The following GANC variants were observed in gnomAD, a reference collection of about 807,000 sequenced individuals.
GANC encodes neutral alpha-glucosidase C.
GANC carries 117 observed loss-of-function variants against 124.2 expected under a neutral mutation model. The observed-to-expected ratio is 0.94, with a 90% CI of 0.81 to 1.10. The LOEUF (loss-of-function observed/expected upper bound fraction) is 1.10. Among genes scored for constraint, GANC ranks in the 50% least tolerant of loss-of-function variants. The pLI is 0.00. For synonymous variants in GANC, 377 were observed against 376.8 expected (o/e 1.00, Z -0.01); for missense variants, 1,140 against 1,095.0 (o/e 1.04, Z -0.58).
chr15:42,319,162 G>C (rs1054106344), intron 10 of GANC, among the ~76,000 whole-genome samples: 11 of 151,876 alleles, frequency 7.2e-5, no homozygotes, highest in African/African-American at 2.7e-4. Context: ...ATCCTCTGAT[G>C]GTTCCTTGGT....
At chr15:42,323,971 G>A (rs942678099) in intron 11 of GANC, among the ~76,000 whole-genome samples, 1 of 152,136 alleles carries the variant, frequency 6.6e-6, no homozygotes, top group African/African-American at 2.4e-5. Flanking sequence ...TGGAGGATCT[G>A]ACCAGAAAGG....
At chr15:42,350,326 A>AGCGAGTCGTCTTTTATTATTATTAT (rs1566963145) in intron 22 of GANC, among the ~76,000 whole-genome samples, 6 of 151,904 alleles carry the variant, frequency 3.9e-5, no homozygotes, top group African/African-American at 1.5e-4. Flanking sequence ...CACTCCGCCC[A>AGCGAGTCGTCTTTTATTATTATTAT]TCTCCCCGAC....
intron 3 of GANC, chr15:42,284,347 C>T: frequency 4.4e-6 from 1 of 227,796 alleles, no homozygotes; most frequent in Non-Finnish European, 8.6e-6. Context: ...CTATTTCTAC[C>T]ACCATGATGT....
At chr15:42,311,413 A>T (rs900778149) in intron 10 of GANC, among the ~76,000 whole-genome samples, 1 of 152,232 alleles carries the variant, frequency 6.6e-6, no homozygotes. Context: ...CCACAAAAAA[A>T]TTACTAGAGG....
rs766751505 is a variant in GANC, at chr15:42,348,111, G to GT, written c.2316dup (p.Gln773SerfsTer22). The GT allele has an allele frequency of 3.7e-6, 6 of 1,604,064 alleles. No individual in the cohort carries two copies. In the Admixed American group the frequency reaches 1.0e-4, roughly 27 times the overall value. On this transcript the variant is annotated frameshift_variant, in exon 21 of 24. Transcript: ENST00000318010. LOFTEE classifies it high-confidence loss of function. ...GTGCTGCTCTGTTACAGATTCCAGT[G>GT]TTTCAGCGAGGTGGAAGTGTGATAC... is the stretch of plus-strand genomic sequence containing the variant.
chr15:42,278,893 G>A (rs1046948316), intron 3 of GANC, among the ~76,000 whole-genome samples: 1 of 152,170 alleles, frequency 6.6e-6, no homozygotes, highest in East Asian at 1.9e-4. Flanking sequence ...TACTCAGGAG[G>A]CTGAGGTGGG....
In GANC at chr15:42,343,155, G is replaced by C. The variant is rs770814349; in HGVS notation, c.2229+1G>C. ...TGTGTTTCTTCCAGGATCAAATGAG[G>C]TAAGAGTAATAACAGCCACATATCT... On this transcript the variant is annotated splice_donor_variant, in intron 19 of 23. Coordinates refer to ENST00000318010, the MANE Select transcript of GANC (RefSeq NM_198141.3). LOFTEE classifies it high-confidence loss of function. 1 of 1,613,372 alleles carries C rather than the reference G, an allele frequency of 6.2e-7. No homozygotes were observed. Among genetic ancestry groups the C allele is most frequent in the Admixed American group, 1.7e-5 (1 of 60,020 alleles).
At chr15:42,301,550 G>C (rs1201717755) in intron 6 of GANC, among the ~76,000 whole-genome samples, 1 of 151,994 alleles carries the variant, frequency 6.6e-6, no homozygotes, top group Non-Finnish European at 1.5e-5. Flanking sequence ...GAGCCAAGTG[G>C]TCTAGCTCAG....
chr15:42,317,610 T>A (rs529317596), intron 10 of GANC, among the ~76,000 whole-genome samples: 5 of 152,220 alleles, frequency 3.3e-5, no homozygotes, highest in African/African-American at 4.8e-5. Flanking sequence ...ATAAAAACCC[T>A]CATTAAATTG....
intron 6 of GANC, among the ~76,000 whole-genome samples, chr15:42,303,152 A>G (rs1238018875): frequency 1.3e-5 from 2 of 152,230 alleles, no homozygotes; most frequent in Non-Finnish European, 2.9e-5. Context: ...CTAACACCGG[A>G]TCTCTCTGCA....
intron 10 of GANC, among the ~76,000 whole-genome samples, chr15:42,320,048 G>T (rs1223235757): frequency 6.6e-6 from 1 of 152,128 alleles, no homozygotes; most frequent in Non-Finnish European, 1.5e-5. Context: ...GCTGGGCATG[G>T]TGGCATGCAC....
chr15:42,301,955 A>C (rs1478438007), intron 6 of GANC, among the ~76,000 whole-genome samples: 1 of 152,224 alleles, frequency 6.6e-6, no homozygotes, highest in Non-Finnish European at 1.5e-5. Flanking sequence ...CGTGCCTGCC[A>C]GCTCTGAAGA....
intron 7 of GANC, among the ~76,000 whole-genome samples, chr15:42,307,036 C>A (rs1447072411): frequency 6.6e-6 from 1 of 152,124 alleles, no homozygotes; most frequent in Non-Finnish European, 1.5e-5. Flanking sequence ...GTATCACATG[C>A]CCATCTGTCA....
chr15:42,297,767 G>A (rs147234514), intron 6 of GANC, 111 bp downstream of exon 6: 4 of 660,482 alleles, frequency 6.1e-6, no homozygotes, highest in African/African-American at 1.9e-5. Flanking sequence ...TTAAATGATC[G>A]ACTGCATATA....
At position 42,274,458 on chromosome 15, in the gene GANC, G is replaced by A. The variant is rs372563286; in HGVS notation, c.-24G>A. On this transcript the variant is annotated 5_prime_UTR_variant, in exon 1 of 24. Coordinates refer to ENST00000318010, the MANE Select transcript of GANC (RefSeq NM_198141.3). ...AGGGCCCTTGTCCTGAGAGCTGGGA[G>A]CTGGTCGGAGTGACAGAGAAGCCAT... The A allele has an allele frequency of 3.7e-6, 6 of 1,609,112 alleles. No individual in the cohort carries two copies. The highest frequency in any genetic ancestry group is 1.3e-5 in the African/African-American group (1 of 74,954).
intron 15 of GANC, 87 bp downstream of exon 15, chr15:42,330,759 C>T: frequency 1.5e-6 from 1 of 646,358 alleles, no homozygotes; most frequent in Non-Finnish European, 2.5e-6. Context: ...TGTGCTGATG[C>T]CTTCCTTTTC....
chr15:42,328,890 A>C (rs112041398), intron 13 of GANC, among the ~76,000 whole-genome samples: 29 of 152,190 alleles, frequency 1.9e-4, no homozygotes, highest in Non-Finnish European at 3.8e-4. Context: ...AGAAGGTAGA[A>C]TCTTGTCATG....
At chr15:42,339,599 A>G in intron 16 of GANC, 70 bp from the exon 17 acceptor site, 1 of 1,561,588 alleles carries the variant, frequency 6.4e-7, no homozygotes, top group Non-Finnish European at 8.7e-7. Flanking sequence ...GGTCTTCAAG[A>G]CCTTAATTTC....
At position 42,273,800 on chromosome 15, in the gene GANC, TA is replaced by T; in HGVS notation, c.-680del. On this transcript the variant is annotated 5_prime_UTR_variant, in exon 1 of 24. The change abolishes the stop of an existing upstream ORF in the 5' untranslated region. Transcript: ENST00000318010. ...GGGGCCAGAAAGTCTGGAAAAGCCCTAAGCCTGGCTGCCCAAGTGGCGTCTA... is the reference window on the plus strand; with the variant it reads ...GGGGCCAGAAAGTCTGGAAAAGCCCTAGCCTGGCTGCCCAAGTGGCGTCTA... 1 of 214,814 alleles carries T rather than the reference TA, an allele frequency of 4.7e-6. No homozygotes were observed. The highest frequency in any genetic ancestry group is 9.6e-6 in the Non-Finnish European group (1 of 103,868). 13.3% of individuals were successfully genotyped at this position (214,814 alleles called of 1,614,324 possible). A position where few individuals can be genotyped will look rare whatever the true frequency, so the allele number is the denominator to read the frequency against.
Sources: gnomAD v4.1 joint callset for allele counts (sites outside exome capture counted in the v4.1 genomes callset) on GRCh38, gnomAD v4.1.1 for gene constraint, MANE v1.5 for transcripts, NCBI Gene and HGNC (gene_info 2026-07-23, HGNC 2026-07-21) for gene names.